The following KCTD16 variants were observed in gnomAD, a reference collection of about 807,000 sequenced individuals.
KCTD16 encodes BTB/POZ domain-containing protein KCTD16.
In KCTD16, 13 loss-of-function variants were observed where a neutral mutation model predicts 33.2. The ratio of observed to expected loss-of-function variants is 0.39; its 90% CI spans 0.25 to 0.62. KCTD16 has a LOEUF of 0.62. Among genes scored for constraint, KCTD16 ranks in the 20% least tolerant of loss-of-function variants. The probability of loss-of-function intolerance (pLI) is 0.50; values close to 1 mark genes in which losing one functional copy is unlikely to be tolerated. For synonymous variants in KCTD16, 197 were observed against 195.3 expected (o/e 1.01, Z -0.07); for missense variants, 441 against 525.1 (o/e 0.84, Z 1.57).
chr5:144,257,061 G>A (rs1395294150), intron 3 of KCTD16, among the ~76,000 whole-genome samples: 1 of 152,022 alleles, frequency 6.6e-6, no homozygotes, highest in Non-Finnish European at 1.5e-5. Context: ...GATACTTTTT[G>A]TGTATCTCAC....
chr5:144,220,860 G>A (rs1288050662), intron 3 of KCTD16, among the ~76,000 whole-genome samples: 3 of 151,642 alleles, frequency 2.0e-5, no homozygotes, highest in East Asian at 3.9e-4. Flanking sequence ...AGAATGGCAT[G>A]AACGCAGGAG....
chr5:144,310,758 A>G (rs17101768), intron 3 of KCTD16, among the ~76,000 whole-genome samples: 50,851 of 151,876 alleles, frequency 0.33, 9,197 homozygotes, highest in African/African-American at 0.47. Flanking sequence ...CACTTTATGT[A>G]GCTGTGAGGG....
At chr5:144,435,100 C>T (rs1045506976) in intron 3 of KCTD16, among the ~76,000 whole-genome samples, 2 of 152,024 alleles carry the variant, frequency 1.3e-5, no homozygotes, top group African/African-American at 4.8e-5. Context: ...TTTTGTGATC[C>T]TTTTTAGCTT....
intron 3 of KCTD16, among the ~76,000 whole-genome samples, chr5:144,450,206 C>A (rs780715211): frequency 6.6e-6 from 1 of 152,000 alleles, no homozygotes; most frequent in African/African-American, 2.4e-5. Context: ...AGGCACTCAA[C>A]ATCACTAATA....
At chr5:144,413,227 T>C (rs1330359503) in intron 3 of KCTD16, among the ~76,000 whole-genome samples, 2 of 152,150 alleles carry the variant, frequency 1.3e-5, no homozygotes, top group Admixed American at 1.3e-4. Context: ...GTGCCCCTAC[T>C]AAGAGGAGAT....
At position 144,475,448 on chromosome 5, in the gene KCTD16, G is replaced by A. The variant is rs535701179; in HGVS notation, c.*1334G>A. 7 of 152,584 alleles carry A rather than the reference G, an allele frequency of 4.6e-5. No individual in the cohort carries two copies. Among genetic ancestry groups the A allele is most frequent in the African/African-American group, 1.7e-4 (7 of 41,526 alleles). 9.5% of individuals were successfully genotyped at this position (152,584 alleles called of 1,614,324 possible). On this transcript the variant is annotated 3_prime_UTR_variant, in exon 4 of 4. Transcript: ENST00000512467. ...AAACTATCTTTTTCAATTACATCCT[G>A]ACTTGTATAGACACAGCCAAAAAGA...
intron 3 of KCTD16, among the ~76,000 whole-genome samples, chr5:144,327,311 A>G (rs763980079): frequency 6.6e-6 from 1 of 152,098 alleles, no homozygotes; most frequent in Non-Finnish European, 1.5e-5. Context: ...AGATTCAGTC[A>G]ATTTCCAAAA....
chr5:144,275,759 G>A lies in KCTD16; in HGVS notation c.832+68213G>A, dbSNP rs375349349. On this transcript the variant is annotated intron_variant, in intron 3 of 3. Coordinates refer to ENST00000512467, the MANE Select transcript of KCTD16 (RefSeq NM_020768.4). Reference sequence around the variant, plus strand: ...GGTGGTGGGAGTGAAGTTAAATAATGAGATGAGGATCTGCTCAAAAAACTT... The same window carrying A: ...GGTGGTGGGAGTGAAGTTAAATAATAAGATGAGGATCTGCTCAAAAAACTT... Among the ~76,000 whole-genome samples, 6 of 152,300 alleles carry A rather than the reference G, an allele frequency of 3.9e-5. No individual in the cohort carries two copies. In the East Asian group the frequency reaches 9.6e-4, roughly 24 times the overall value.
chr5:144,301,819 T>G (rs1003660832), intron 3 of KCTD16, among the ~76,000 whole-genome samples: 2 of 152,196 alleles, frequency 1.3e-5, no homozygotes, highest in Admixed American at 6.5e-5. Flanking sequence ...ATAGTAGCTT[T>G]TGATGTTTTA....
At chr5:144,171,329 A>G (rs1752379061) in intron 1 of KCTD16, among the ~76,000 whole-genome samples, 1 of 152,194 alleles carries the variant, frequency 6.6e-6, no homozygotes. Flanking sequence ...AAGACCAGAA[A>G]AGAGAAGAAA....
chr5:144,282,940 A>T (rs188473261), intron 3 of KCTD16, among the ~76,000 whole-genome samples: 1 of 152,272 alleles, frequency 6.6e-6, no homozygotes, highest in Admixed American at 6.5e-5. Flanking sequence ...CAAGGAGAAT[A>T]AAAAGAAAAA....
At chr5:144,396,907 AT>A (rs1752578767) in intron 3 of KCTD16, among the ~76,000 whole-genome samples, 1 of 88,596 alleles carries the variant, frequency 1.1e-5, no homozygotes, top group African/African-American at 5.4e-5. Flanking sequence ...AATTCACTTT[AT>A]TTATTATATA....
In KCTD16 at chr5:144,207,038, G is replaced by A; in HGVS notation, c.324G>A (p.Arg108=). 1 of 1,614,088 alleles carries A rather than the reference G, an allele frequency of 6.2e-7. No individual in the cohort carries two copies. The highest frequency in any genetic ancestry group is 8.5e-7 in the Non-Finnish European group (1 of 1,180,022). Residue 108 remains arginine, a synonymous_variant, in exon 3 of 4, where the codon AGG becomes AGA. Coordinates refer to ENST00000512467, the MANE Select transcript of KCTD16 (RefSeq NM_020768.4). ...DHFPEKGRLK[R]EAEYFQLPDL... ...TTCCAGAAAAAGGAAGACTGAAAAG[G>A]GAAGCTGAATACTTCCAGCTCCCAG...
intron 3 of KCTD16, among the ~76,000 whole-genome samples, chr5:144,405,692 G>A (rs1214392955): frequency 1.3e-5 from 2 of 152,142 alleles, no homozygotes; most frequent in Non-Finnish European, 2.9e-5. Context: ...GCAAGCCTTA[G>A]AATGCGGGAA....
chr5:144,206,099 A>T (rs1405587369), intron 2 of KCTD16: 1 of 152,726 alleles, frequency 6.5e-6, no homozygotes, highest in Non-Finnish European at 1.5e-5. Context: ...TCCCATTTGG[A>T]AGTTGAAAAT....
chr5:144,188,363 A>G (rs188137873), intron 2 of KCTD16, among the ~76,000 whole-genome samples: 4 of 152,318 alleles, frequency 2.6e-5, no homozygotes, highest in Admixed American at 2.6e-4. Flanking sequence ...GTCAAGAGAA[A>G]GTACATGAGA....
At chr5:144,239,595 C>G (rs1232440774) in intron 3 of KCTD16, among the ~76,000 whole-genome samples, 1 of 152,044 alleles carries the variant, frequency 6.6e-6, no homozygotes, top group Non-Finnish European at 1.5e-5. Flanking sequence ...ACCAGATTCT[C>G]CTAGAAACAC....
chr5:144,335,195 A>G (rs1373406544), intron 3 of KCTD16, among the ~76,000 whole-genome samples: 1 of 152,244 alleles, frequency 6.6e-6, no homozygotes, highest in Admixed American at 6.5e-5. Context: ...CTCCCATGAC[A>G]TAGCATCATA....
intron 3 of KCTD16, among the ~76,000 whole-genome samples, chr5:144,397,939 A>G (rs139449211): frequency 3.3e-5 from 5 of 152,350 alleles, no homozygotes; most frequent in African/African-American, 1.2e-4. Context: ...ATCCCAAAAA[A>G]TAAAATAAAA....
Sources: gnomAD v4.1 joint callset for allele counts (sites outside exome capture counted in the v4.1 genomes callset) on GRCh38, gnomAD v4.1.1 for gene constraint, MANE v1.5 for transcripts, NCBI Gene and HGNC (gene_info 2026-07-23, HGNC 2026-07-21) for gene names.